Variants in MS4A13 observed in about 807,000 individuals in gnomAD.
MS4A13 encodes membrane spanning 4-domains A13.
MS4A13 carries 21 observed loss-of-function variants against 18.4 expected under a neutral mutation model. That is an observed-to-expected ratio of 1.14 (90% CI 0.81 to 1.64). MS4A13 has a LOEUF of 1.64. MS4A13 is among the 40% of genes most tolerant of loss of function. The probability of loss-of-function intolerance (pLI) is 0.00; values close to 1 mark genes in which losing one functional copy is unlikely to be tolerated. For synonymous variants in MS4A13, 62 were observed against 57.2 expected, an observed-to-expected ratio of 1.08 and a Z score of -0.38; for missense variants, 173 against 176.8, an observed-to-expected ratio of 0.98 and a Z score of 0.12.
chr11:60,531,705 G>A (rs1484061578), intron 6 of MS4A13, among the ~76,000 whole-genome samples: 1 of 152,152 alleles, frequency 6.6e-6, no homozygotes, highest in Non-Finnish European at 1.5e-5. Flanking sequence ...AGTTTCTTCT[G>A]AGGCATCTCT....
intron 6 of MS4A13, among the ~76,000 whole-genome samples, chr11:60,535,371 T>G (rs1488011767): frequency 1.0e-5 from 1 of 96,950 alleles, no homozygotes; most frequent in Non-Finnish European, 2.0e-5. Context: ...AAATACAAAC[T>G]ACCATCAGAG....
intron 6 of MS4A13, among the ~76,000 whole-genome samples, chr11:60,541,608 G>GA (rs1179521722): frequency 6.6e-5 from 10 of 151,784 alleles, no homozygotes; most frequent in South Asian, 6.3e-4. Context: ...CATGAAACTA[G>GA]AAAAAAAATT....
At chr11:60,527,530 T>C (rs1025830200) in intron 5 of MS4A13, among the ~76,000 whole-genome samples, 1 of 151,684 alleles carries the variant, frequency 6.6e-6, no homozygotes, top group African/African-American at 2.4e-5. Context: ...AGAATAGCAC[T>C]CTCATATAAA....
intron 6 of MS4A13, among the ~76,000 whole-genome samples, chr11:60,532,214 T>C (rs920527202): frequency 6.6e-6 from 1 of 152,278 alleles, no homozygotes; most frequent in African/African-American, 2.4e-5. Flanking sequence ...GCTCCCAGCA[T>C]GAGCGACGCA....
At chr11:60,531,744 C>T (rs2086768361) in intron 6 of MS4A13, among the ~76,000 whole-genome samples, 1 of 152,312 alleles carries the variant, frequency 6.6e-6, no homozygotes, top group Non-Finnish European at 1.5e-5. Flanking sequence ...TGTCTTCTCC[C>T]TGTGTTTTCA....
chr11:60,532,655 T>A (rs1424808974), intron 6 of MS4A13, among the ~76,000 whole-genome samples: 1 of 151,238 alleles, frequency 6.6e-6, no homozygotes, highest in Non-Finnish European at 1.5e-5. Flanking sequence ...AAGCTCGAAC[T>A]GGGTGGAGCC....
intron 3 of MS4A13, among the ~76,000 whole-genome samples, chr11:60,521,509 A>C (rs2135250169): frequency 6.6e-6 from 1 of 152,288 alleles, no homozygotes; most frequent in Non-Finnish European, 1.5e-5. Context: ...AGTTCCACAA[A>C]TCTCTAGGGA....
downstream of MS4A13, chr11:60,542,816 A>C: frequency 3.1e-6 from 1 of 318,610 alleles, no homozygotes. Flanking sequence ...AGGTACGCTG[A>C]ATAGCTGTCA....
chr11:60,532,893 C>T (rs1325155855), intron 6 of MS4A13, among the ~76,000 whole-genome samples: 2 of 60,102 alleles, frequency 3.3e-5, no homozygotes, highest in African/African-American at 1.3e-4. Context: ...AACTGGGAGG[C>T]ACCCCCCAGC....
chr11:60,542,791 A>T, downstream of MS4A13: 1 of 386,920 alleles, frequency 2.6e-6, no homozygotes, highest in Non-Finnish European at 4.7e-6. Context: ...TTATTACAGG[A>T]TGAATGTGTT....
intron 3 of MS4A13, among the ~76,000 whole-genome samples, chr11:60,522,239 G>GATAGATGTATATATATATATCT (rs55942628): frequency 7.5e-6 from 1 of 133,890 alleles, no homozygotes; most frequent in Non-Finnish European, 1.6e-5. Context: ...TAGATAGATA[G>GATAGATGTATATATATATATCT]ATGTATATAT....
chr11:60,539,502 C>A (rs1273559468), intron 6 of MS4A13, among the ~76,000 whole-genome samples: 6 of 151,838 alleles, frequency 4.0e-5, no homozygotes, highest in Non-Finnish European at 8.8e-5. Flanking sequence ...GATACCATCA[C>A]ATGTATAATG....
chr11:60,542,530 A>C lies in MS4A13; in HGVS notation c.414A>C (p.Gln138His). 3 of 1,610,168 alleles carry C rather than the reference A, an allele frequency of 1.9e-6. No homozygotes were observed. Among genetic ancestry groups the C allele is most frequent in the Non-Finnish European group, 2.5e-6 (3 of 1,177,844 alleles). ...IYSCSNLFRR[Q>H]NDLTSVTEEA... Reference sequence around the variant, plus strand: ...TACTTTTTTTCCAGTTTCGAAGACAAAATGATCTTACATCTGTTACTGAGG... The same window carrying C: ...TACTTTTTTTCCAGTTTCGAAGACACAATGATCTTACATCTGTTACTGAGG... Residue 138 changes from glutamine (Q) to histidine (H), a missense_variant, in exon 7 of 7, where the codon CAA becomes CAC. Physicochemically the swap from Gln to His is conservative, Grantham distance 24. Coordinates refer to ENST00000378186, the MANE Select transcript of MS4A13 (RefSeq NM_001012417.3).
intron 5 of MS4A13, among the ~76,000 whole-genome samples, chr11:60,527,408 CTCTGTGTG>C (rs2086725585): frequency 5.6e-5 from 2 of 35,554 alleles, no homozygotes; most frequent in South Asian, 1.6e-3. Context: ...CTCTCTCTCT[CTCTGTGTG>C]TGTGTGTGTG....
chr11:60,524,814 C>A (rs1217769874), intron 4 of MS4A13, among the ~76,000 whole-genome samples: 1 of 152,054 alleles, frequency 6.6e-6, no homozygotes, highest in Admixed American at 6.6e-5. Flanking sequence ...TGCCCGCCAC[C>A]AAGCCCGGCT....
At chr11:60,526,718 G>A (rs1385497835) in intron 5 of MS4A13, among the ~76,000 whole-genome samples, 1 of 152,196 alleles carries the variant, frequency 6.6e-6, no homozygotes, top group Non-Finnish European at 1.5e-5. Flanking sequence ...TCTCACATAA[G>A]CAAGGGGCTT....
At chr11:60,531,446 C>G (rs996087124) in intron 6 of MS4A13, among the ~76,000 whole-genome samples, 26 of 152,106 alleles carry the variant, frequency 1.7e-4, no homozygotes, top group Non-Finnish European at 1.5e-5. Context: ...GGAGAAGGTC[C>G]TAGTGAGCCC....
intron 6 of MS4A13, among the ~76,000 whole-genome samples, chr11:60,530,440 G>A (rs1051168981): frequency 3.3e-5 from 5 of 152,158 alleles, no homozygotes; most frequent in African/African-American, 9.7e-5. Context: ...AAGACTACAT[G>A]GTAAAAGGAT....
At chr11:60,532,474 A>C (rs915830564) in intron 6 of MS4A13, among the ~76,000 whole-genome samples, 3 of 152,202 alleles carry the variant, frequency 2.0e-5, no homozygotes, top group African/African-American at 7.2e-5. Flanking sequence ...CGGCTCAAAA[A>C]ACGGCGCACC....
Sources: gnomAD v4.1 joint callset for allele counts (sites outside exome capture counted in the v4.1 genomes callset) on GRCh38, gnomAD v4.1.1 for gene constraint, MANE v1.5 for transcripts, NCBI Gene and HGNC (gene_info 2026-07-23, HGNC 2026-07-21) for gene names.